The following FBN3 variants were observed in gnomAD, a reference collection of about 807,000 sequenced individuals.
The protein encoded by FBN3 is fibrillin-3.
FBN3 carries 234 observed loss-of-function variants against 330.1 expected under a neutral mutation model. The observed-to-expected ratio is 0.71, with a 90% CI of 0.64 to 0.79. FBN3 has a LOEUF of 0.79. FBN3 is among the 30% of genes least tolerant of loss of function. FBN3 has a pLI of 0.00. For synonymous variants in FBN3, 1,458 were observed against 1,517.3 expected (o/e 0.96, Z 0.91); for missense variants, 3,606 against 3,886.9 (o/e 0.93, Z 1.92).
chr19:8,087,263 G>GT lies in FBN3; in HGVS notation c.6620-53dup. ...AGTCAAGGCCAGGCACCCTATGGCT[G>GT]TGGGGACCTGGATTCCACCCTGCGT... On this transcript the variant is annotated intron_variant, in intron 53 of 63. Coordinates refer to ENST00000600128, the MANE Select transcript of FBN3 (RefSeq NM_032447.5). 5 of 1,504,490 alleles carry GT rather than the reference G, an allele frequency of 3.3e-6. 1 individual carries two copies. The South Asian group carries it at 5.2e-5, about 16-fold the overall frequency. 93.2% of individuals were successfully genotyped at this position (1,504,490 alleles called of 1,614,324 possible).
At chr19:8,089,233 A>C (rs2082037718) in intron 51 of FBN3, among the ~76,000 whole-genome samples, 1 of 152,134 alleles carries the variant, frequency 6.6e-6, no homozygotes, top group Non-Finnish European at 1.5e-5. Context: ...AAGGGAGTAA[A>C]TGAGTGAGTG....
Position 8,147,096 on chromosome 19 carries a change from G to T in FBN3, c.250+8C>A. 6.4e-7 allele frequency: 1 copy of T among 1,554,026 alleles called. No individual in the cohort carries two copies. The highest frequency in any genetic ancestry group is 8.7e-7 in the Non-Finnish European group (1 of 1,152,320). On this transcript the variant is annotated splice_region_variant and intron_variant, in intron 3 of 63. Transcript: ENST00000600128. ...GCCCCCCCACCTCCAGACGGCGGTA[G>T]CACTCACGTACGACACACTGGCTCC...
chr19:8,079,462 A>C (rs1433477870), intron 59 of FBN3, among the ~76,000 whole-genome samples: 1 of 152,012 alleles, frequency 6.6e-6, no homozygotes, highest in African/African-American at 2.4e-5. Flanking sequence ...AACCAAAAAC[A>C]ACCACCACCA....
At chr19:8,073,414 ACT>A in intron 61 of FBN3, 117 bp from the exon 62 acceptor site, 2 of 798,208 alleles carry the variant, frequency 2.5e-6, no homozygotes, top group Non-Finnish European at 4.0e-6. Flanking sequence ...CCAATGCCAA[ACT>A]CTTCAGCAAG....
rs35364392 is a variant in FBN3 at position 8,086,622 on chromosome 19, ATTTT to A, written c.6755-301_6755-298del. On this transcript the variant is annotated intron_variant, in intron 54 of 63. Coordinates refer to ENST00000600128, the MANE Select transcript of FBN3 (RefSeq NM_032447.5). ...CAGGTGCCCGCCGCCACGCCCAGCT[ATTTT>A]TTTTTTTTTTTTTGTATTTTTAGTA... is the stretch of plus-strand genomic sequence containing the variant. Among the ~76,000 whole-genome samples the A allele has an allele frequency of 2.6e-4, 35 of 133,564 alleles. 1 individual carries two copies. Among genetic ancestry groups the A allele is most frequent in the South Asian group, 7.4e-4 (3 of 4,066 alleles). 87.6% of individuals were successfully genotyped at this position (133,564 alleles called of 152,430 possible). A position where few individuals can be genotyped will look rare whatever the true frequency, so the allele number is the denominator to read the frequency against.
At position 8,138,558 on chromosome 19, in the gene FBN3, C is replaced by T. The variant is rs764597553; in HGVS notation, c.872G>A (p.Arg291Gln). ...AAGCACTGAGAAGCAGGCGCCGGCC[C>T]GGTAGTCTGCAAAAGATCAGAGGGT... The part of the protein sequence containing the change: ...SDSSAACEDY[R>Q]AGACFSVLFG... The change falls in exon 9 of 64, where the codon CGG becomes CAG. Residue 291 changes from arginine to glutamine, a missense_variant. Transcript: ENST00000600128. 16 of 1,606,158 alleles carry T rather than the reference C, an allele frequency of 1.0e-5. No individual in the cohort carries two copies. The highest frequency in any genetic ancestry group is 2.7e-5 in the African/African-American group (2 of 74,806).
chr19:8,145,570 A>C (rs1437788405), intron 5 of FBN3, among the ~76,000 whole-genome samples: 3 of 149,416 alleles, frequency 2.0e-5, no homozygotes, highest in Non-Finnish European at 4.4e-5. Context: ...AGTCCCAGCT[A>C]CTCGGGAGGC....
chr19:8,147,592 G>C, intron 1 of FBN3, 95 bp from the exon 2 acceptor site: 2 of 1,098,546 alleles, frequency 1.8e-6, no homozygotes, highest in Non-Finnish European at 2.4e-6. Flanking sequence ...TTGCCAAATG[G>C]GGCAGCCCCG....
At position 8,123,594 on chromosome 19, in the gene FBN3, A is replaced by C; in HGVS notation, c.2957-5T>G. 2 of 1,613,914 alleles carry C rather than the reference A, an allele frequency of 1.2e-6. No homozygotes were observed. Among genetic ancestry groups the C allele is most frequent in the East Asian group, 4.5e-5 (2 of 44,864 alleles). ...ACACCTTGCATTCATTCACATCTGA[A>C]GTACAGGGGCATCAAACCACCCTGA... is the stretch of plus-strand genomic sequence containing the variant. On this transcript the variant is annotated splice_polypyrimidine_tract_variant and splice_region_variant and intron_variant, in intron 23 of 63. Coordinates refer to ENST00000600128, the MANE Select transcript of FBN3 (RefSeq NM_032447.5).
Position 8,109,277 on chromosome 19 carries a change from A to G in FBN3, c.4568T>C (p.Leu1523Pro), listed in dbSNP as rs771927445. ...ACAGGGATTGCCCCAAGCCCGGCCC[A>G]GGGAGCAACAGCAGGAAGCTCGGGT... ...GVTRASCCCS[L>P]GRAWGNPCEL... is the part of the protein sequence containing the mutation. The change falls in exon 36 of 64, where the codon CTG (leucine) becomes CCG (proline). Residue 1523 changes from leucine (L) to proline (P), a missense_variant. By Grantham distance (98) the Leu-to-Pro change is moderately conservative. Coordinates refer to ENST00000600128, the MANE Select transcript of FBN3 (RefSeq NM_032447.5). This position sits in a 1 kb window ranked among gnomAD's most constrained non-coding sequence, Gnocchi z 5.2. The G allele has an allele frequency of 3.1e-6, 5 of 1,614,002 alleles. No homozygotes were observed. Among genetic ancestry groups the G allele is most frequent in the South Asian group, 1.1e-5 (1 of 91,082 alleles).
intron 30 of FBN3, among the ~76,000 whole-genome samples, chr19:8,112,374 C>T (rs186365791): frequency 6.6e-6 from 1 of 152,228 alleles, no homozygotes; most frequent in Admixed American, 6.5e-5. Context: ...CAGCCGGGTG[C>T]GGTGGCTCAC....
At chr19:8,141,665 C>A in intron 8 of FBN3, 52 bp downstream of exon 8, 2 of 1,566,458 alleles carry the variant, frequency 1.3e-6, no homozygotes, top group South Asian at 2.4e-5. Flanking sequence ...CTGAGCCCCC[C>A]AGGTCATGAG....
chr19:8,132,401 G>A (rs936561672), intron 14 of FBN3, among the ~76,000 whole-genome samples: 8 of 151,146 alleles, frequency 5.3e-5, no homozygotes, highest in South Asian at 2.1e-4. Flanking sequence ...GGCTGGTCTC[G>A]AACTCCTGTC....
At chr19:8,078,978 G>A (rs2081710353) in intron 59 of FBN3, among the ~76,000 whole-genome samples, 1 of 151,792 alleles carries the variant, frequency 6.6e-6, no homozygotes, top group Non-Finnish European at 1.5e-5. Flanking sequence ...ATGGAGTCTT[G>A]CCATGTTGCC....
chr19:8,085,220 G>GACACAC (rs35473068), intron 56 of FBN3, 143 bp downstream of exon 56: 39,104 of 536,576 alleles, frequency 0.073, 263 homozygotes, highest in Middle Eastern at 0.096. Context: ...CTAGCACAAA[G>GACACAC]ACACACACAC....
In FBN3 at chr19:8,065,898, G is replaced by A; in HGVS notation, c.*21C>T. The A allele has an allele frequency of 1.3e-6, 2 of 1,526,496 alleles. No individual in the cohort carries two copies. Among genetic ancestry groups the A allele is most frequent in the Non-Finnish European group, 1.8e-6 (2 of 1,128,610 alleles). The allele number at this position is 1,526,496 out of a possible 1,614,324, so 94.6% of individuals were successfully genotyped here. On this transcript the variant is annotated 3_prime_UTR_variant, in exon 64 of 64. Transcript: ENST00000600128. ...AATCCCCCTTCTCTGGACAGCTGGGGCCCACTGAGGCTCCTCCCAACTAAA... is the reference window on the plus strand; with the variant it reads ...AATCCCCCTTCTCTGGACAGCTGGGACCCACTGAGGCTCCTCCCAACTAAA...
At chr19:8,085,220 GACACACAC>G (rs35473068) in intron 56 of FBN3, 135 bp downstream of exon 56, 39,779 of 545,284 alleles carry the variant, frequency 0.073, 1,190 homozygotes, top group African/African-American at 0.2. Flanking sequence ...CTAGCACAAA[GACACACAC>G]ACACACACAC....
In FBN3 at chr19:8,123,839, C is replaced by T. The variant is rs199641080; in HGVS notation, c.2901G>A (p.Pro967=). 3.8e-5 allele frequency: 62 copies of T among 1,613,156 alleles called. No individual in the cohort carries two copies. In the South Asian group the frequency reaches 4.3e-4, roughly 11 times the overall value. ...PESLEFASLC[P]RGLGFASRDF... is the part of the protein sequence containing the mutation. ...CCCGGCTGGCGAAGCCCAGCCCCCG[C>T]GGGCACAGGCTGGCGAACTCCAGAG... The change falls in exon 23 of 64, where the codon CCG becomes CCA. Residue 967 remains proline, a synonymous_variant. Transcript: ENST00000600128.
In FBN3 at chr19:8,073,263, G is replaced by C; in HGVS notation, c.7737C>G (p.Cys2579Trp). The C allele has an allele frequency of 6.2e-7, 1 of 1,613,968 alleles. No homozygotes were observed. The change falls in exon 62 of 64, where the codon TGC (cysteine) becomes TGG (tryptophan). Residue 2579 changes from cysteine to tryptophan, a missense_variant. Coordinates refer to ENST00000600128, the MANE Select transcript of FBN3 (RefSeq NM_032447.5). ...GAGTGTTGCGACAGGAGGCGCTCCC[G>C]CAGGTGGGGGGCGACAGGGCACACT... ...ENECALSPPT[C>W]GSASCRNTLG... is the part of the protein sequence containing the mutation.
Sources: gnomAD v4.1 joint callset for allele counts (sites outside exome capture counted in the v4.1 genomes callset) on GRCh38, gnomAD v4.1.1 for gene constraint, Gnocchi (gnomAD v3.1) non-coding constraint, MANE v1.5 for transcripts, NCBI Gene and HGNC (gene_info 2026-07-23, HGNC 2026-07-21) for gene names.